NOL4: variants seen among roughly 807,000 people sequenced by gnomAD.
The protein encoded by NOL4 is cancer/testis antigen 125.
In NOL4, 17 loss-of-function variants were observed where a neutral mutation model predicts 75.9. That is an observed-to-expected ratio of 0.22 (90% CI 0.15 to 0.34). The LOEUF (loss-of-function observed/expected upper bound fraction) is 0.34, where lower values mean the gene tolerates loss of function less well. NOL4 is among the 10% of genes least tolerant of loss of function. NOL4 has a pLI of 1.00. For synonymous variants in NOL4, 292 were observed against 289.9 expected (o/e 1.01, Z -0.07); for missense variants, 614 against 793.5 (o/e 0.77, Z 2.72).
chr18:33,941,173 G>T (rs1482617458), intron 9 of NOL4, among the ~76,000 whole-genome samples: 3 of 151,976 alleles, frequency 2.0e-5, no homozygotes, highest in African/African-American at 7.2e-5. Flanking sequence ...ACAGCTCTAT[G>T]AATCTGATAT....
chr18:34,145,458 AGAG>A (rs1367684837), intron 1 of NOL4, among the ~76,000 whole-genome samples: 3 of 144,608 alleles, frequency 2.1e-5, no homozygotes, highest in Admixed American at 6.9e-5. Flanking sequence ...ATAATATAAA[AGAG>A]GAGATAATAA....
In NOL4 at chr18:33,918,926, TATAG is replaced by T. The variant is rs557152041; in HGVS notation, c.1542+24135_1542+24138del. Among the ~76,000 whole-genome samples the T allele has an allele frequency of 2.1e-3, 316 of 152,290 alleles. 1 individual carries two copies. Among genetic ancestry groups the T allele is most frequent in the African/African-American group, 7.4e-3 (308 of 41,564 alleles). On this transcript the variant is annotated intron_variant, in intron 9 of 10. Coordinates refer to ENST00000261592, the MANE Select transcript of NOL4 (RefSeq NM_003787.5). ...AAAACACTTTTGCCACTTACTACCCTATAGATAGATAGGTTAATAATATAGATAG... is the reference window on the plus strand; with the variant it reads ...AAAACACTTTTGCCACTTACTACCCTATAGATAGGTTAATAATATAGATAG...
At chr18:34,164,665 T>A (rs1209312778) in intron 1 of NOL4, among the ~76,000 whole-genome samples, 1 of 152,006 alleles carries the variant, frequency 6.6e-6, no homozygotes, top group African/African-American at 2.4e-5. Context: ...AGTTCAACCA[T>A]TGTGGAAGTC....
chr18:33,889,146 G>C (rs948266991), intron 9 of NOL4, among the ~76,000 whole-genome samples: 3 of 151,860 alleles, frequency 2.0e-5, no homozygotes, highest in African/African-American at 7.3e-5. Context: ...GAAGAAAAGA[G>C]GGAAGAATCA....
intron 9 of NOL4, among the ~76,000 whole-genome samples, chr18:33,938,628 G>GT (rs1261808545): frequency 6.6e-6 from 1 of 151,658 alleles, no homozygotes; most frequent in African/African-American, 2.4e-5. Flanking sequence ...TGATGAGGTT[G>GT]TTTTTTCTCG....
At chr18:34,089,130 A>T (rs2078385216) in intron 5 of NOL4, among the ~76,000 whole-genome samples, 1 of 152,228 alleles carries the variant, frequency 6.6e-6, no homozygotes, top group East Asian at 1.9e-4. Flanking sequence ...ATTGTAAAAA[A>T]AGTTATTTTA....
intron 5 of NOL4, among the ~76,000 whole-genome samples, chr18:34,071,462 C>G (rs2077516837): frequency 6.6e-6 from 1 of 151,802 alleles, no homozygotes; most frequent in African/African-American, 2.4e-5. Flanking sequence ...CACACACACA[C>G]ACACACAGAT....
intron 1 of NOL4, among the ~76,000 whole-genome samples, chr18:34,215,918 G>A (rs566521299): frequency 1.3e-5 from 2 of 152,150 alleles, no homozygotes; most frequent in South Asian, 4.1e-4. Flanking sequence ...AGCATTCATG[G>A]CATATATTTT....
intron 9 of NOL4, among the ~76,000 whole-genome samples, chr18:33,923,360 C>T (rs56315310): frequency 0.02 from 3,105 of 151,952 alleles, 112 homozygotes; most frequent in African/African-American, 0.071. Context: ...TAGATTATCA[C>T]ACACCTTAGT....
At chr18:34,126,153 T>G (rs542668166) in intron 2 of NOL4, among the ~76,000 whole-genome samples, 1 of 152,174 alleles carries the variant, frequency 6.6e-6, no homozygotes, top group Non-Finnish European at 1.5e-5. Flanking sequence ...AGGAGAGAAG[T>G]AACACCAATC....
intron 6 of NOL4, among the ~76,000 whole-genome samples, chr18:33,972,928 T>C (rs2071194639): frequency 6.6e-6 from 1 of 152,216 alleles, no homozygotes; most frequent in African/African-American, 2.4e-5. Flanking sequence ...AGCATGGTGA[T>C]TGCTGAAGCA....
chr18:34,051,405 A>G (rs1176096287), intron 5 of NOL4, among the ~76,000 whole-genome samples: 1 of 152,156 alleles, frequency 6.6e-6, no homozygotes, highest in African/African-American at 2.4e-5. Flanking sequence ...TCAATGAACT[A>G]AATTTTAAAT....
intron 1 of NOL4, among the ~76,000 whole-genome samples, chr18:34,163,412 T>C (rs1467238603): frequency 2.0e-5 from 3 of 151,836 alleles, no homozygotes; most frequent in Non-Finnish European, 4.4e-5. Flanking sequence ...ACAAAATCAA[T>C]GTACAAAAAT....
intron 9 of NOL4, among the ~76,000 whole-genome samples, chr18:33,909,303 C>T (rs1294359631): frequency 6.6e-6 from 1 of 152,060 alleles, no homozygotes; most frequent in Non-Finnish European, 1.5e-5. Context: ...TGCATAATTT[C>T]CCTGCAAGAT....
At chr18:33,978,934 A>T (rs944286716) in intron 6 of NOL4, among the ~76,000 whole-genome samples, 23 of 152,090 alleles carry the variant, frequency 1.5e-4, no homozygotes, top group Non-Finnish European at 2.5e-4. Flanking sequence ...ACAGGGATAG[A>T]GCAAGTGCTT....
chr18:34,163,068 T>C (rs1420698074), intron 1 of NOL4, among the ~76,000 whole-genome samples: 1 of 152,088 alleles, frequency 6.6e-6, no homozygotes, highest in Non-Finnish European at 1.5e-5. Context: ...TCTCAATAAA[T>C]TAGGTATTGA....
chr18:33,887,790 G>T (rs962903049), intron 9 of NOL4, among the ~76,000 whole-genome samples: 46 of 152,090 alleles, frequency 3.0e-4, no homozygotes, highest in Non-Finnish European at 4.7e-4. Context: ...TGGTGTATAT[G>T]TGCCACATTT....
intron 5 of NOL4, among the ~76,000 whole-genome samples, chr18:34,049,851 T>C (rs936728218): frequency 3.3e-5 from 5 of 151,734 alleles, no homozygotes; most frequent in African/African-American, 7.3e-5. Flanking sequence ...TGAGAATCTA[T>C]ATGTTAGTCA....
chr18:34,149,175 A>G (rs2081537278), intron 1 of NOL4, among the ~76,000 whole-genome samples: 2 of 151,628 alleles, frequency 1.3e-5, no homozygotes, highest in East Asian at 3.9e-4. Flanking sequence ...TAGGATGCAG[A>G]GCAAAGAAAA....
Sources: gnomAD v4.1 joint callset for allele counts (sites outside exome capture counted in the v4.1 genomes callset) on GRCh38, gnomAD v4.1.1 for gene constraint, MANE v1.5 for transcripts, NCBI Gene and HGNC (gene_info 2026-07-23, HGNC 2026-07-21) for gene names.